COL6A3: variants seen among roughly 807,000 people sequenced by gnomAD.
The protein encoded by COL6A3 is collagen alpha-3(VI) chain.
In COL6A3, 137 loss-of-function variants were observed where a neutral mutation model predicts 274.1. That is an observed-to-expected ratio of 0.50 (90% CI 0.44 to 0.58). COL6A3 has a LOEUF of 0.58. Ranked by LOEUF, COL6A3 falls within the 20% of genes least tolerant of loss-of-function variation. COL6A3 has a pLI of 0.00. For synonymous variants in COL6A3, 1,650 were observed against 1,650.6 expected (o/e 1.00, Z 0.01); for missense variants, 3,950 against 4,124.9 (o/e 0.96, Z 1.16).
chr2:237,353,235 G>A, intron 25 of COL6A3, 106 bp downstream of exon 25: 1 of 1,086,920 alleles, frequency 9.2e-7, no homozygotes, highest in Non-Finnish European at 1.4e-6. Context: ...CCACTGGATT[G>A]TTCACTTTAA....
At chr2:237,399,983 T>C (rs1392381546) in intron 1 of COL6A3, among the ~76,000 whole-genome samples, 1 of 152,244 alleles carries the variant, frequency 6.6e-6, no homozygotes, top group Non-Finnish European at 1.5e-5. Context: ...GCATGAACTT[T>C]CATGACACTA....
At position 237,379,246 on chromosome 2, in the gene COL6A3, G is replaced by T. The variant is rs1306224321; in HGVS notation, c.1898-11C>A. On this transcript the variant is annotated splice_polypyrimidine_tract_variant and intron_variant, in intron 5 of 43. Coordinates refer to ENST00000295550, the MANE Select transcript of COL6A3 (RefSeq NM_004369.4). ...TTTTGTTTGAGTGAACTGCAGTGAA[G>T]CACAGAAAAAAAAGTGAGACATACA... The T allele has an allele frequency of 6.2e-7, 1 of 1,613,996 alleles. No homozygotes were observed. The highest frequency in any genetic ancestry group is 1.1e-5 in the South Asian group (1 of 91,074).
intron 2 of COL6A3, among the ~76,000 whole-genome samples, chr2:237,395,795 T>C (rs1165652160): frequency 6.6e-6 from 1 of 152,238 alleles, no homozygotes; most frequent in Non-Finnish European, 1.5e-5. Flanking sequence ...TTTTTGAGCA[T>C]GAACAAACTG....
At chr2:237,352,112 A>G (rs2077219174) in intron 26 of COL6A3, among the ~76,000 whole-genome samples, 1 of 152,202 alleles carries the variant, frequency 6.6e-6, no homozygotes, top group Non-Finnish European at 1.5e-5. Context: ...TTCTGTGCTG[A>G]ACTCATGGGT....
intron 31 of COL6A3, among the ~76,000 whole-genome samples, chr2:237,347,152 G>A (rs2077114025): frequency 6.6e-6 from 1 of 152,002 alleles, no homozygotes; most frequent in Non-Finnish European, 1.5e-5. Context: ...TCTCATGCAT[G>A]TAATCCCAGC....
chr2:237,377,165 G>A lies in COL6A3; in HGVS notation c.2677C>T (p.His893Tyr), dbSNP rs1235864628. 3 of 1,614,068 alleles carry A rather than the reference G, an allele frequency of 1.9e-6. No homozygotes were observed. The highest frequency in any genetic ancestry group is 2.5e-6 in the Non-Finnish European group (3 of 1,180,054). The change falls in exon 7 of 44, where the codon CAC becomes TAC. Residue 893 changes from histidine (H) to tyrosine (Y), a missense_variant. By Grantham distance (83) the His-to-Tyr change is moderately conservative (BLOSUM62 2). Transcript: ENST00000295550. ...DVKVESRFDE[H>Y]QSKPEILNLV... is the part of the protein sequence containing the mutation. The stretch of plus-strand genomic sequence containing the variant: ...TTCAGGATCTCAGGCTTACTCTGGT[G>A]CTCATCAAAACGGGACTCCACCTTG...
chr2:237,365,969 T>C lies in COL6A3; in HGVS notation c.5567A>G (p.Lys1856Arg). Residue 1856 changes from lysine to arginine, a missense_variant, in exon 12 of 44, where the codon AAG (lysine) becomes AGG (arginine). By Grantham distance (26) the Lys-to-Arg change is conservative. Transcript: ENST00000295550. ...SRDQNVFVAQ[K>R]GFESKVDAIL... ...GGCGTCCACCTTGGACTCGAAGCCC[T>C]TCTGGGCCACAAAAACATTCTGGTC... is the stretch of plus-strand genomic sequence containing the variant. 2 of 1,614,016 alleles carry C rather than the reference T, an allele frequency of 1.2e-6. No homozygotes were observed. Among genetic ancestry groups the C allele is most frequent in the Admixed American group, 1.7e-5 (1 of 60,024 alleles).
chr2:237,397,779 T>C (rs2078488204), intron 1 of COL6A3, among the ~76,000 whole-genome samples: 1 of 152,224 alleles, frequency 6.6e-6, no homozygotes, highest in Non-Finnish European at 1.5e-5. Flanking sequence ...AATGAAAAAT[T>C]TATCCATTAT....
At chr2:237,346,905 G>A (rs1474289719) in intron 31 of COL6A3, among the ~76,000 whole-genome samples, 1 of 151,840 alleles carries the variant, frequency 6.6e-6, no homozygotes, top group Non-Finnish European at 1.5e-5. Context: ...AATGCGTTCA[G>A]TGTAGATAAT....
chr2:237,355,808 T>C (rs2077305432), intron 23 of COL6A3: 1 of 152,210 alleles, frequency 6.6e-6, no homozygotes, highest in South Asian at 2.1e-4. Flanking sequence ...CGGAAGATCT[T>C]GGCCACCTTC....
chr2:237,376,622 G>A, intron 7 of COL6A3, 150 bp downstream of exon 7: 1 of 800,020 alleles, frequency 1.2e-6, no homozygotes, highest in Non-Finnish European at 2.2e-6. Flanking sequence ...ATATTCTATT[G>A]TTCCTGCTGA....
intron 36 of COL6A3, chr2:237,343,687 T>C (rs1357354412): frequency 1.3e-5 from 2 of 158,186 alleles, no homozygotes; most frequent in Admixed American, 6.0e-5. Context: ...GTGGTGTAGA[T>C]TGGGGGTGCT....
rs2077766557 is a variant in COL6A3 at position 237,374,085 on chromosome 2, T to A, written c.3679+327A>T. On this transcript the variant is annotated intron_variant, in intron 8 of 43. Coordinates refer to ENST00000295550, the MANE Select transcript of COL6A3 (RefSeq NM_004369.4). This position sits in a 1 kb window ranked among gnomAD's most constrained non-coding sequence, Gnocchi z 4.8. ...CAGGACTGATACGCAACAGGCGTTA[T>A]CAGTTAGACGGCCCCTCCCTTTGGA... Among the ~76,000 whole-genome samples, 1 of 152,232 alleles carries A rather than the reference T, an allele frequency of 6.6e-6. No individual in the cohort carries two copies. Among genetic ancestry groups the A allele is most frequent in the African/African-American group, 2.4e-5 (1 of 41,458 alleles).
At chr2:237,398,997 C>T (rs1325247494) in intron 1 of COL6A3, among the ~76,000 whole-genome samples, 3 of 152,160 alleles carry the variant, frequency 2.0e-5, no homozygotes, top group Non-Finnish European at 4.4e-5. Context: ...GAGGTAGATG[C>T]TGATCCTCAT....
rs190527017 is a variant in COL6A3, at chr2:237,406,584, C to T, written c.-31+7369G>A. The stretch of plus-strand genomic sequence containing the variant: ...CACTCATCCACCCTTGCCTTTGCCA[C>T]GCCCATTCCTAGACTGCAAGAAGGA... On this transcript the variant is annotated intron_variant, in intron 1 of 43. Transcript: ENST00000295550. Among the ~76,000 whole-genome samples, 43 of 151,642 alleles carry T rather than the reference C, an allele frequency of 2.8e-4. 1 individual carries two copies. Among genetic ancestry groups the T allele is most frequent in the South Asian group, 4.1e-4 (2 of 4,832 alleles).
intron 37 of COL6A3, among the ~76,000 whole-genome samples, chr2:237,341,615 T>C (rs2076992341): frequency 6.6e-6 from 1 of 151,276 alleles, no homozygotes. Flanking sequence ...GATTTGATTA[T>C]GGCCAGATTT....
chr2:237,351,055 A>T, intron 27 of COL6A3, 75 bp downstream of exon 27: 2 of 1,409,340 alleles, frequency 1.4e-6, no homozygotes, highest in Non-Finnish European at 2.0e-6. Flanking sequence ...AGACAGACTG[A>T]CCAAAGAGGG....
chr2:237,374,303 A>G lies in COL6A3; in HGVS notation c.3679+109T>C. 5 of 1,510,884 alleles carry G rather than the reference A, an allele frequency of 3.3e-6. No homozygotes were observed. Among genetic ancestry groups the G allele is most frequent in the Non-Finnish European group, 4.5e-6 (5 of 1,103,640 alleles). The allele number at this position is 1,510,884 out of a possible 1,614,324, so 93.6% of individuals were successfully genotyped here. A position where few individuals can be genotyped will look rare whatever the true frequency, so the allele number is the denominator to read the frequency against. On this transcript the variant is annotated intron_variant, in intron 8 of 43. Transcript: ENST00000295550. The surrounding 1 kb of genome is among the most constrained non-coding windows in gnomAD (Gnocchi z 4.8). ...AAATTTTCCTGTAATTTTAGTTTTC[A>G]CTTCACATGGCAGGAAAAGCAAAAT...
rs1699831423 is a variant in COL6A3 at position 237,324,583 on chromosome 2, G to A, written c.*191C>T. 12 of 606,564 alleles carry A rather than the reference G, an allele frequency of 2.0e-5. No individual in the cohort carries two copies. Among genetic ancestry groups the A allele is most frequent in the South Asian group, 7.7e-5 (4 of 51,672 alleles). 37.6% of individuals were successfully genotyped at this position (606,564 alleles called of 1,614,324 possible). A position where few individuals can be genotyped will look rare whatever the true frequency, so the allele number is the denominator to read the frequency against. On this transcript the variant is annotated 3_prime_UTR_variant, in exon 44 of 44. Transcript: ENST00000295550. The stretch of plus-strand genomic sequence containing the variant: ...AGAGAACTGCCTGGAGACAGAGAGC[G>A]AGGGTCCACAGACACATTAGCACCA...
Sources: gnomAD v4.1 joint callset for allele counts (sites outside exome capture counted in the v4.1 genomes callset) on GRCh38, gnomAD v4.1.1 for gene constraint, Gnocchi (gnomAD v3.1) non-coding constraint, MANE v1.5 for transcripts, NCBI Gene and HGNC (gene_info 2026-07-23, HGNC 2026-07-21) for gene names.